Variants in MEMO1 observed in about 807,000 individuals in gnomAD.
MEMO1 encodes the protein protein MEMO1.
A neutral mutation model predicts 45.2 loss-of-function variants in MEMO1; 6 were observed. The observed-to-expected ratio is 0.13, with a 90% CI of 0.07 to 0.26. The LOEUF is 0.26. Ranked by LOEUF, MEMO1 falls within the 10% of genes least tolerant of loss-of-function variation. The pLI, the probability that MEMO1 is intolerant of heterozygous loss-of-function variation, is 1.00. For missense variants in MEMO1, 184 were observed against 370.5 expected (o/e 0.50, Z 4.13); for synonymous variants, 78 against 124.3 (o/e 0.63, Z 2.48).
intron 3 of MEMO1, among the ~76,000 whole-genome samples, chr2:31,933,317 T>TAAACA (rs1664415989): frequency 4.1e-5 from 1 of 24,110 alleles, no homozygotes; most frequent in African/African-American, 1.8e-4. Flanking sequence ...ACCACCTCTT[T>TAAACA]AAAAAAAAAA....
At position 31,935,818 on chromosome 2, in the gene MEMO1, A is replaced by G. The variant is rs1285975265; in HGVS notation, c.144-3683T>C. 3.9e-5 allele frequency among the ~76,000 whole-genome samples: 6 copies of G among 152,194 alleles called. No homozygotes were observed. In the East Asian group the frequency reaches 1.2e-3, roughly 29 times the overall value. On this transcript the variant is annotated intron_variant, in intron 3 of 9. Transcript: ENST00000404530. ...ACGTTTTATCAAGAGATCATTCATA[A>G]TAAAGGAGGCTTCACTAAAGAAACG...
At chr2:31,875,017 G>T (rs748996489) in intron 8 of MEMO1, among the ~76,000 whole-genome samples, 1 of 151,732 alleles carries the variant, frequency 6.6e-6, no homozygotes, top group Non-Finnish European at 1.5e-5. Flanking sequence ...CTAACTCCCA[G>T]AATTGACTTA....
intron 2 of MEMO1, among the ~76,000 whole-genome samples, chr2:31,980,597 T>C (rs1670521554): frequency 6.6e-6 from 1 of 152,162 alleles, no homozygotes; most frequent in African/African-American, 2.4e-5. Flanking sequence ...ACAAACTATT[T>C]TACCAATCCT....
At chr2:31,907,786 A>ACAC (rs1679980432) in intron 6 of MEMO1, among the ~76,000 whole-genome samples, 1 of 145,308 alleles carries the variant, frequency 6.9e-6, no homozygotes, top group Non-Finnish European at 1.5e-5. Flanking sequence ...CCGTGTCTTA[A>ACAC]ACACACACAC....
intron 2 of MEMO1, among the ~76,000 whole-genome samples, chr2:31,994,934 T>G (rs28605477): frequency 3.0e-4 from 20 of 66,810 alleles, no homozygotes; most frequent in East Asian, 7.5e-4. Context: ...GCGGTGGGGG[T>G]GGAGGTAGAG....
chr2:31,937,063 C>T (rs1468119018), intron 3 of MEMO1, among the ~76,000 whole-genome samples: 1 of 152,116 alleles, frequency 6.6e-6, no homozygotes, highest in Non-Finnish European at 1.5e-5. Context: ...ACAACTGGCC[C>T]TATATAATTT....
chr2:31,983,487 G>A lies in MEMO1; in HGVS notation c.61+26700C>T, dbSNP rs181552199. ...TCGCTCTTGTTGCCCAGGCCAGAGT[G>A]AGGGTGGCACAATCTCGGCTCACTG... is the stretch of plus-strand genomic sequence containing the variant. On this transcript the variant is annotated intron_variant, in intron 2 of 9. Coordinates refer to ENST00000404530, the MANE Select transcript of MEMO1 (RefSeq NM_001301833.4). 3.2e-3 allele frequency among the ~76,000 whole-genome samples: 481 copies of A among 152,178 alleles called. 2 individuals are homozygous for A. Among genetic ancestry groups the A allele is most frequent in the Non-Finnish European group, 5.4e-3 (365 of 68,000 alleles).
At chr2:31,894,330 T>C (rs759965177) in intron 6 of MEMO1, among the ~76,000 whole-genome samples, 39 of 152,206 alleles carry the variant, frequency 2.6e-4, no homozygotes, top group African/African-American at 6.5e-4. Flanking sequence ...AGCACCTTCA[T>C]TGCAAAAAGG....
intron 2 of MEMO1, among the ~76,000 whole-genome samples, chr2:31,976,480 A>G (rs1455229519): frequency 6.6e-6 from 1 of 152,016 alleles, no homozygotes; most frequent in Non-Finnish European, 1.5e-5. Context: ...CAGGAGGCTG[A>G]GGCATGAAAA....
At chr2:32,003,451 G>T (rs1673659432) in intron 2 of MEMO1, among the ~76,000 whole-genome samples, 2 of 151,890 alleles carry the variant, frequency 1.3e-5, no homozygotes, top group African/African-American at 4.8e-5. Flanking sequence ...CTTAACACAG[G>T]GACTTGTTAC....
intron 2 of MEMO1, among the ~76,000 whole-genome samples, chr2:31,979,352 C>A (rs961772171): frequency 2.0e-5 from 3 of 152,170 alleles, no homozygotes; most frequent in Non-Finnish European, 4.4e-5. Flanking sequence ...TAACAATAAT[C>A]ACATATAGGA....
chr2:31,990,994 G>T (rs1005745400), intron 2 of MEMO1, among the ~76,000 whole-genome samples: 6 of 151,794 alleles, frequency 4.0e-5, no homozygotes, highest in Admixed American at 3.9e-4. Flanking sequence ...AAAAAAGGGG[G>T]GTATCAAAAG....
At chr2:31,941,089 T>C (rs570551750) in intron 3 of MEMO1, among the ~76,000 whole-genome samples, 1 of 152,330 alleles carries the variant, frequency 6.6e-6, no homozygotes, top group East Asian at 1.9e-4. Flanking sequence ...TGCTCAAAAC[T>C]TGTCATGACT....
chr2:31,904,645 T>C (rs1247790891), intron 6 of MEMO1, among the ~76,000 whole-genome samples: 2 of 152,172 alleles, frequency 1.3e-5, no homozygotes, highest in African/African-American at 2.4e-5. Flanking sequence ...AGGTGGGTAA[T>C]GCTCGCTGGC....
chr2:31,898,812 C>T lies in MEMO1; in HGVS notation c.438-6678G>A, dbSNP rs185102674. 8.5e-5 allele frequency among the ~76,000 whole-genome samples: 13 copies of T among 152,110 alleles called. 1 individual carries two copies. Among genetic ancestry groups the T allele is most frequent in the Admixed American group, 3.9e-4 (6 of 15,286 alleles). On this transcript the variant is annotated intron_variant, in intron 6 of 9. Coordinates refer to ENST00000404530, the MANE Select transcript of MEMO1 (RefSeq NM_001301833.4). ...GATCTGTCTAATATTGATAATGGGG[C>T]GGTAAGTCTCCGGCTATTATTGTGT... is the stretch of plus-strand genomic sequence containing the variant.
intron 6 of MEMO1, among the ~76,000 whole-genome samples, chr2:31,910,004 T>C (rs550021561): frequency 6.6e-6 from 1 of 152,108 alleles, no homozygotes; most frequent in South Asian, 2.1e-4. Context: ...AAAAACACTT[T>C]ATCAATAGAC....
chr2:31,965,039 C>T (rs572114265), intron 2 of MEMO1, among the ~76,000 whole-genome samples: 1 of 151,898 alleles, frequency 6.6e-6, no homozygotes, highest in Admixed American at 6.6e-5. Context: ...CATAATGAAA[C>T]CCTGTCTCTA....
intron 8 of MEMO1, among the ~76,000 whole-genome samples, chr2:31,871,150 C>G (rs531621118): frequency 2.0e-5 from 3 of 152,288 alleles, no homozygotes; most frequent in African/African-American, 7.2e-5. Flanking sequence ...GCTAATTATA[C>G]ATACACCAAT....
rs190160919 is a variant in MEMO1 at position 31,875,259 on chromosome 2, T to C, written c.658-5307A>G. Among the ~76,000 whole-genome samples, 959 of 152,268 alleles carry C rather than the reference T, an allele frequency of 6.3e-3. 4 individuals carry two copies. Among genetic ancestry groups the C allele is most frequent in the Admixed American group, 0.011 (161 of 15,298 alleles). ...AATTTTTAAAATTATGTTCCAGTAA[T>C]TTGGGATATCTAAAGTAAGGTAAAT... On this transcript the variant is annotated intron_variant, in intron 8 of 9. Coordinates refer to ENST00000404530, the MANE Select transcript of MEMO1 (RefSeq NM_001301833.4).
Sources: allele counts gnomAD v4.1 joint callset (sites outside exome capture counted in the v4.1 genomes callset), GRCh38; gene constraint gnomAD v4.1.1; transcripts MANE v1.5; gene names NCBI Gene and HGNC (gene_info 2026-07-23, HGNC 2026-07-21).